The following KIF4A variants were observed in gnomAD, a reference collection of about 807,000 sequenced individuals.
KIF4A encodes the protein chromosome-associated kinesin KIF4A.
KIF4A carries 7 observed loss-of-function variants against 105.9 expected under a neutral mutation model. The ratio of observed to expected loss-of-function variants is 0.07; its 90% CI spans 0.04 to 0.12. KIF4A has a LOEUF of 0.12. Ranked by LOEUF, KIF4A falls within the 10% of genes least tolerant of loss-of-function variation. The probability of loss-of-function intolerance (pLI) is 1.00; values close to 1 mark genes in which losing one functional copy is unlikely to be tolerated. For missense variants in KIF4A, 558 were observed against 929.2 expected (o/e 0.60, Z 5.19); for synonymous variants, 281 against 331.3 (o/e 0.85, Z 1.65).
chrX:70,368,690 G>T (rs909984362), intron 15 of KIF4A, among the ~76,000 whole-genome samples: 1 of 112,236 alleles, frequency 8.9e-6, no homozygotes, highest in Non-Finnish European at 1.9e-5. Context: ...AGGCTACTCA[G>T]GGGTCAGGGA....
chrX:70,317,793 C>T (rs1429978088), intron 7 of KIF4A, among the ~76,000 whole-genome samples: 1 of 111,173 alleles, frequency 9.0e-6, no homozygotes, highest in Non-Finnish European at 1.9e-5. Context: ...GTCCTCCTGC[C>T]TTAGCCTCCC....
In KIF4A at chrX:70,404,073, A is replaced by G. The variant is rs746529763; in HGVS notation, c.2790+39A>G. ...AGTCAAGAAGCTATACTGTGAAACT[A>G]TCATTGCCTTGTATTGTTAGTTTTA... On this transcript the variant is annotated intron_variant, in intron 24 of 30. Coordinates refer to ENST00000374403, the MANE Select transcript of KIF4A (RefSeq NM_012310.5). The G allele has an allele frequency of 1.4e-4, 165 of 1,173,607 alleles. No homozygotes were observed. In the South Asian group the frequency reaches 2.8e-3, roughly 20 times the overall value.
intron 15 of KIF4A, among the ~76,000 whole-genome samples, chrX:70,366,301 G>A (rs1159433182): frequency 9.0e-6 from 1 of 110,982 alleles, no homozygotes; most frequent in Non-Finnish European, 1.9e-5. Context: ...GCTTTTGAAT[G>A]TGTTTGCTCT....
At chrX:70,312,009 A>G (rs1294779985) in intron 7 of KIF4A, among the ~76,000 whole-genome samples, 1 of 109,365 alleles carries the variant, frequency 9.1e-6, no homozygotes, top group Non-Finnish European at 1.9e-5. Context: ...AATTAACAAT[A>G]ATACTAATGC....
intron 18 of KIF4A, 51 bp downstream of exon 18, chrX:70,376,261 C>T (rs1487439064): frequency 2.9e-6 from 2 of 694,317 alleles, no homozygotes; most frequent in African/African-American, 2.2e-5. Flanking sequence ...CTTCTCTGAG[C>T]TGACTAACAA....
At chrX:70,366,928 G>C (rs2086106456) in intron 15 of KIF4A, among the ~76,000 whole-genome samples, 1 of 111,866 alleles carries the variant, frequency 8.9e-6, no homozygotes, top group African/African-American at 3.3e-5. Flanking sequence ...ATGAATCTGG[G>C]TGCTCCTGTA....
At chrX:70,378,168 TG>T (rs2086182448) in intron 18 of KIF4A, among the ~76,000 whole-genome samples, 1 of 111,431 alleles carries the variant, frequency 9.0e-6, no homozygotes, top group Non-Finnish European at 1.9e-5. Context: ...AAACAGTGTT[TG>T]GAGGGAATTT....
At chrX:70,386,419 A>C (rs1260034366) in intron 18 of KIF4A, among the ~76,000 whole-genome samples, 199 bp from the exon 19 acceptor site, 1 of 111,631 alleles carries the variant, frequency 9.0e-6, no homozygotes, top group Non-Finnish European at 1.9e-5. Flanking sequence ...CAATAAGCCA[A>C]AGGGAAAAAC....
rs1042039306 is a variant in KIF4A, at chrX:70,420,348, C to A, written c.*83C>A. 6 of 1,073,347 alleles carry A rather than the reference C, an allele frequency of 5.6e-6. No homozygotes were observed. The highest frequency in any genetic ancestry group is 7.4e-6 in the Non-Finnish European group (6 of 815,181). The allele number at this position is 1,073,347 out of a possible 1,213,427, so 88.5% of individuals were successfully genotyped here. On this transcript the variant is annotated 3_prime_UTR_variant, in exon 31 of 31. Transcript: ENST00000374403. Reference sequence around the variant, plus strand: ...CCAGAAGGGGTTTTTTAAATGACTTCTCTGGATTTCAGGTTTCTTGCTGTT... The same window carrying A: ...CCAGAAGGGGTTTTTTAAATGACTTATCTGGATTTCAGGTTTCTTGCTGTT...
intron 24 of KIF4A, 105 bp downstream of exon 24, chrX:70,404,139 G>T: frequency 1.1e-6 from 1 of 946,614 alleles, no homozygotes; most frequent in Non-Finnish European, 1.5e-6. Context: ...AAAAGTCCAC[G>T]TGGCCTTTTC....
chrX:70,402,132 TGTA>T (rs780038338), intron 22 of KIF4A, among the ~76,000 whole-genome samples: 66 of 111,897 alleles, frequency 5.9e-4, no homozygotes, highest in African/African-American at 2.1e-3. Context: ...GGTACTTGAT[TGTA>T]GTAAAGAGCA....
At chrX:70,350,338 A>C (rs1358206137) in intron 13 of KIF4A, among the ~76,000 whole-genome samples, 1 of 111,744 alleles carries the variant, frequency 8.9e-6, no homozygotes, top group Non-Finnish European at 1.9e-5. Context: ...TACAAAAACC[A>C]GTCAGGCTTG....
Position 70,335,969 on chromosome X carries a change from C to T in KIF4A, c.1133+2280C>T, listed in dbSNP as rs537254650. 7.1e-5 allele frequency among the ~76,000 whole-genome samples: 8 copies of T among 112,168 alleles called. No individual in the cohort carries two copies. In the South Asian group the frequency reaches 3.0e-3, roughly 42 times the overall value. ...TCTACCTCTTTTCTACCATTATTCT[C>T]GCTACGCCTGTATTTAACCCATCTC... On this transcript the variant is annotated intron_variant, in intron 10 of 30. Coordinates refer to ENST00000374403, the MANE Select transcript of KIF4A (RefSeq NM_012310.5).
intron 7 of KIF4A, among the ~76,000 whole-genome samples, chrX:70,322,731 G>A (rs1422061636): frequency 9.9e-6 from 1 of 101,217 alleles, no homozygotes; most frequent in Admixed American, 1.1e-4. Flanking sequence ...TTTTAATCTG[G>A]CTCCTTTCCC....
chrX:70,405,409 G>A (rs774526946), intron 25 of KIF4A, among the ~76,000 whole-genome samples: 1 of 111,509 alleles, frequency 9.0e-6, no homozygotes, highest in South Asian at 3.8e-4. Context: ...CAGGTAGTTC[G>A]GTCAGGCTTA....
intron 15 of KIF4A, among the ~76,000 whole-genome samples, chrX:70,360,380 G>C (rs1302427492): frequency 8.9e-6 from 1 of 112,262 alleles, no homozygotes; most frequent in African/African-American, 3.2e-5. Context: ...CAAGTGCTGG[G>C]GGGTGGGAGG....
chrX:70,311,163 A>G lies in KIF4A; in HGVS notation c.778+8765A>G, dbSNP rs182983734. Among the ~76,000 whole-genome samples, 119 of 110,137 alleles carry G rather than the reference A, an allele frequency of 1.1e-3. 1 individual carries two copies. The highest frequency in any genetic ancestry group is 3.7e-3 in the African/African-American group (111 of 30,383). ...AAGAAGAAGAAGAAAAAGAAAGAAA[A>G]TTATTCATTTTTTCTGATTGCCGAA... is the stretch of plus-strand genomic sequence containing the variant. On this transcript the variant is annotated intron_variant, in intron 7 of 30. Coordinates refer to ENST00000374403, the MANE Select transcript of KIF4A (RefSeq NM_012310.5).
In KIF4A at chrX:70,396,015, C is replaced by A; in HGVS notation, c.2455C>A (p.Gln819Lys). Residue 819 changes from glutamine (Q) to lysine (K), a missense_variant, in exon 22 of 31, where the codon CAG becomes AAG. Physicochemically the swap from Gln to Lys is moderately conservative, Grantham distance 53. Transcript: ENST00000374403. ...GGAGTCAGAAGATTCTATTACAAAGCAGATTGAAAGCCTAGAGACTGAAAT... is the reference window on the plus strand; with the variant it reads ...GGAGTCAGAAGATTCTATTACAAAGAAGATTGAAAGCCTAGAGACTGAAAT... ...VSESEDSITK[Q>K]IESLETEMEF... 8.3e-7 allele frequency: 1 copy of A among 1,205,665 alleles called. No homozygotes were observed. Among genetic ancestry groups the A allele is most frequent in the Admixed American group, 2.2e-5 (1 of 45,925 alleles).
chrX:70,386,549 C>T (rs1478918058), intron 18 of KIF4A, 69 bp from the exon 19 acceptor site: 11 of 773,306 alleles, frequency 1.4e-5, no homozygotes, highest in African/African-American at 2.1e-5. Flanking sequence ...TCTTGAGAGA[C>T]ACCTTATAGT....
Sources: gnomAD v4.1 joint callset for allele counts (sites outside exome capture counted in the v4.1 genomes callset) on GRCh38, gnomAD v4.1.1 for gene constraint, MANE v1.5 for transcripts, NCBI Gene and HGNC (gene_info 2026-07-23, HGNC 2026-07-21) for gene names.